The following FAM222B variants were observed in gnomAD, a reference collection of about 807,000 sequenced individuals.
FAM222B encodes family with sequence similarity 222 member B.
FAM222B carries 12 observed loss-of-function variants against 38.0 expected under a neutral mutation model. That is an observed-to-expected ratio of 0.32 (90% CI 0.20 to 0.51). FAM222B has a LOEUF of 0.51. FAM222B is among the 20% of genes least tolerant of loss of function. The pLI, the probability that FAM222B is intolerant of heterozygous loss-of-function variation, is 0.97. For missense variants in FAM222B, 716 were observed against 754.2 expected, an observed-to-expected ratio of 0.95 and a Z score of 0.59; for synonymous variants, 329 against 317.2, an observed-to-expected ratio of 1.04 and a Z score of -0.40.
chr17:28,854,750 A>G (rs1392737042), intron 1 of FAM222B, among the ~76,000 whole-genome samples: 1 of 152,150 alleles, frequency 6.6e-6, no homozygotes, highest in Non-Finnish European at 1.5e-5. Flanking sequence ...GTCTTTTAGG[A>G]GACATGGCCA....
intron 2 of FAM222B, 112 bp downstream of exon 2, chr17:28,766,472 AAG>A: frequency 2.5e-6 from 2 of 799,926 alleles, no homozygotes; most frequent in African/African-American, 1.8e-5. Flanking sequence ...AAAAAAAAAA[AAG>A]AAAGGTGTCA....
intron 1 of FAM222B, 70 bp from the exon 2 acceptor site, chr17:28,766,777 A>G: frequency 1.1e-6 from 1 of 876,006 alleles, no homozygotes. Flanking sequence ...GGAACACTGG[A>G]TATGACTGGC....
chr17:28,846,135 G>A (rs2039144196), upstream of FAM222B, among the ~76,000 whole-genome samples: 1 of 151,100 alleles, frequency 6.6e-6, no homozygotes, highest in South Asian at 2.1e-4. Flanking sequence ...CCCAGGAGGT[G>A]GAGGTTGCAG....
Position 28,759,739 on chromosome 17 carries a change from C to T in FAM222B, c.220G>A (p.Val74Ile), listed in dbSNP as rs1421488622. 7 of 1,613,590 alleles carry T rather than the reference C, an allele frequency of 4.3e-6. No individual in the cohort carries two copies. The highest frequency in any genetic ancestry group is 5.9e-6 in the Non-Finnish European group (7 of 1,179,800). ...TCGAGGCCGTTCACAGTACGACGAACGTGTTTCCGCTGGGGAACCTTCACA... is the reference window on the plus strand; with the variant it reads ...TCGAGGCCGTTCACAGTACGACGAATGTGTTTCCGCTGGGGAACCTTCACA... Reference protein sequence around the residue: ...NSVKVPQRKHVRRTVNGLDTS... With the variant: ...NSVKVPQRKHIRRTVNGLDTS... Residue 74 changes from valine to isoleucine, a missense_variant, in exon 3 of 3, where the codon GTT becomes ATT. Transcript: ENST00000581407. The surrounding 1 kb of genome is among the most constrained non-coding windows in gnomAD (Gnocchi z 4.8).
At chr17:28,847,729 A>G (rs554960577), upstream of FAM222B, among the ~76,000 whole-genome samples, 12 of 152,088 alleles carry the variant, frequency 7.9e-5, no homozygotes, top group African/African-American at 2.9e-4. Flanking sequence ...TCTGGCTAAC[A>G]TGGTGAAACC....
chr17:28,764,631 T>C (rs987759784), intron 2 of FAM222B, among the ~76,000 whole-genome samples: 1 of 149,062 alleles, frequency 6.7e-6, no homozygotes, highest in East Asian at 2.0e-4. Context: ...GCCTGTAATC[T>C]CAGCTACTCA....
chr17:28,797,285 A>G (rs1182029291), intron 1 of FAM222B, among the ~76,000 whole-genome samples: 1 of 152,070 alleles, frequency 6.6e-6, no homozygotes, highest in Non-Finnish European at 1.5e-5. Context: ...CATGAGCCAC[A>G]GCGGCTGGCT....
chr17:28,790,818 T>C (rs1160368297), intron 1 of FAM222B, among the ~76,000 whole-genome samples: 1 of 145,854 alleles, frequency 6.9e-6, no homozygotes, highest in Non-Finnish European at 1.5e-5. Context: ...CACTGTCAAA[T>C]GATTGAAAGA....
At chr17:28,771,436 C>CT (rs2035627646) in intron 1 of FAM222B, among the ~76,000 whole-genome samples, 1 of 152,146 alleles carries the variant, frequency 6.6e-6, no homozygotes, top group South Asian at 2.1e-4. Context: ...AATCCCAGCA[C>CT]TTTGGGAGGC....
chr17:28,768,836 C>CAA (rs71359249), intron 1 of FAM222B, among the ~76,000 whole-genome samples: 142 of 70,506 alleles, frequency 2.0e-3, no homozygotes, highest in Non-Finnish European at 2.5e-3. Flanking sequence ...AACTCTGTCT[C>CAA]AAAAAAAAAA....
intron 1 of FAM222B, among the ~76,000 whole-genome samples, chr17:28,791,074 A>AT (rs2036663285): frequency 1.3e-5 from 2 of 148,862 alleles, no homozygotes; most frequent in South Asian, 2.1e-4. Context: ...CGCCCAGCTA[A>AT]TTTTTTTTTG....
intron 1 of FAM222B, among the ~76,000 whole-genome samples, chr17:28,833,570 GCC>G (rs2038739289): frequency 7.4e-6 from 1 of 135,172 alleles, no homozygotes; most frequent in South Asian, 2.3e-4. Flanking sequence ...CTGAGATCGT[GCC>G]ACTGTACTCC....
In FAM222B at chr17:28,758,890, G is replaced by A. The variant is rs776112666; in HGVS notation, c.1069C>T (p.Pro357Ser). 6.2e-7 allele frequency: 1 copy of A among 1,609,104 alleles called. No homozygotes were observed. Among genetic ancestry groups the A allele is most frequent in the Admixed American group, 1.7e-5 (1 of 59,274 alleles). The change falls in exon 3 of 3, where the codon CCT (proline) becomes TCT (serine). Residue 357 changes from proline to serine, a missense_variant. Pro to Ser is a moderately conservative substitution (Grantham distance 74, BLOSUM62 -1). Transcript: ENST00000581407. ...TGISRVPTGY[P>S]SDLKPVTWNQ... ...CAGGTGACTGGCTTGAGGTCGCTAG[G>A]GTAGCCAGTGGGGACGCGAGAGATG...
intron 1 of FAM222B, among the ~76,000 whole-genome samples, chr17:28,826,955 A>G (rs921365650): frequency 2.6e-5 from 4 of 152,082 alleles, no homozygotes; most frequent in African/African-American, 9.7e-5. Context: ...AGCATTGGCA[A>G]TATAGCAAGA....
At position 28,756,107 on chromosome 17, in the gene FAM222B, G is replaced by A. The variant is rs1472270208; in HGVS notation, c.*2163C>T. 2 of 152,648 alleles carry A rather than the reference G, an allele frequency of 1.3e-5. No homozygotes were observed. Among genetic ancestry groups the A allele is most frequent in the East Asian group, 1.9e-4 (1 of 5,204 alleles). The allele number at this position is 152,648 out of a possible 1,614,324, so 9.5% of individuals were successfully genotyped here. Reference sequence around the variant, plus strand: ...TATGTGGATAGAATGGGGAATCCAGGTATTCCCTAGGGTAGTGTAGGATGG... The same window carrying A: ...TATGTGGATAGAATGGGGAATCCAGATATTCCCTAGGGTAGTGTAGGATGG... On this transcript the variant is annotated 3_prime_UTR_variant, in exon 3 of 3. Coordinates refer to ENST00000581407, the MANE Select transcript of FAM222B (RefSeq NM_001077498.3).
At chr17:28,787,474 A>C (rs114402024) in intron 1 of FAM222B, among the ~76,000 whole-genome samples, 1 of 152,186 alleles carries the variant, frequency 6.6e-6, no homozygotes, top group South Asian at 2.1e-4. Context: ...GAGACTCACT[A>C]TAACTTGAAG....
chr17:28,766,596 T>C lies in FAM222B; in HGVS notation c.72A>G (p.Gly24=). Residue 24 remains glycine, a synonymous_variant, in exon 2 of 3, where the codon GGA becomes GGG. Coordinates refer to ENST00000581407, the MANE Select transcript of FAM222B (RefSeq NM_001077498.3). ...ATCCAGATTACTTACATTTCTGAAGTCCAGTGTTCATCTGCGTGTGAGAAA... is the reference window on the plus strand; with the variant it reads ...ATCCAGATTACTTACATTTCTGAAGCCCAGTGTTCATCTGCGTGTGAGAAA... ...QLLSHTQMNT[G]LQKWDTTQKM... is the part of the protein sequence containing the mutation. 4 of 1,600,010 alleles carry C rather than the reference T, an allele frequency of 2.5e-6. No individual in the cohort carries two copies. The highest frequency in any genetic ancestry group is 3.4e-6 in the Non-Finnish European group (4 of 1,173,014).
intron 1 of FAM222B, among the ~76,000 whole-genome samples, chr17:28,850,500 G>A (rs937520591): frequency 2.0e-5 from 3 of 151,830 alleles, no homozygotes; most frequent in Admixed American, 6.6e-5. Context: ...GAGTTTCACC[G>A]TGTTAGCCAG....
intron 1 of FAM222B, among the ~76,000 whole-genome samples, chr17:28,819,580 A>G (rs2151942220): frequency 6.6e-6 from 1 of 152,324 alleles, no homozygotes; most frequent in South Asian, 2.1e-4. Flanking sequence ...TCCTAAAAAT[A>G]TTTAGAAGTT....
Sources: allele counts gnomAD v4.1 joint callset (sites outside exome capture counted in the v4.1 genomes callset), GRCh38; gene constraint gnomAD v4.1.1; non-coding constraint Gnocchi (gnomAD v3.1); transcripts MANE v1.5; gene names NCBI Gene and HGNC (gene_info 2026-07-23, HGNC 2026-07-21).